YAP1: variants seen among roughly 807,000 people sequenced by gnomAD.
The protein encoded by YAP1 is transcriptional coactivator YAP1.
Under a neutral mutation model 56.9 loss-of-function variants are expected in YAP1, and 5 were observed. That is an observed-to-expected ratio of 0.09 (90% CI 0.05 to 0.18). The LOEUF is 0.18. Among genes scored for constraint, YAP1 ranks in the 10% least tolerant of loss-of-function variants. The probability of loss-of-function intolerance (pLI) is 1.00; values close to 1 mark genes in which losing one functional copy is unlikely to be tolerated. For synonymous variants in YAP1, 265 were observed against 248.1 expected, an observed-to-expected ratio of 1.07 and a Z score of -0.64; for missense variants, 539 against 651.8, an observed-to-expected ratio of 0.83 and a Z score of 1.88.
At chr11:102,190,338 T>TGA (rs1948207025) in intron 4 of YAP1, among the ~76,000 whole-genome samples, 1 of 152,156 alleles carries the variant, frequency 6.6e-6, no homozygotes, top group South Asian at 2.1e-4. Context: ...AGCTAAAAAT[T>TGA]ATTAACAGAT....
chr11:102,184,093 A>T (rs1947812637), intron 3 of YAP1, among the ~76,000 whole-genome samples: 1 of 74,132 alleles, frequency 1.3e-5, no homozygotes, highest in Non-Finnish European at 3.2e-5. Context: ...AAAAAAAAAA[A>T]AAGAAAGCTA....
At chr11:102,115,000 A>G (rs1002006009) in intron 2 of YAP1, among the ~76,000 whole-genome samples, 1 of 152,206 alleles carries the variant, frequency 6.6e-6, no homozygotes, top group African/African-American at 2.4e-5. Context: ...ACTTCTTTCA[A>G]GCTAGTAGGT....
intron 2 of YAP1, among the ~76,000 whole-genome samples, chr11:102,129,684 G>T (rs1307744184): frequency 7.0e-6 from 1 of 143,856 alleles, no homozygotes; most frequent in Non-Finnish European, 1.5e-5. Context: ...ACCCTTTATT[G>T]TTTTTTATCT....
At chr11:102,146,951 A>G (rs769657684) in intron 2 of YAP1, among the ~76,000 whole-genome samples, 4 of 152,236 alleles carry the variant, frequency 2.6e-5, no homozygotes, top group Non-Finnish European at 5.9e-5. Flanking sequence ...TCTGAAATCT[A>G]TCAATAATAA....
At chr11:102,138,571 G>A (rs1366152885) in intron 2 of YAP1, among the ~76,000 whole-genome samples, 1 of 152,180 alleles carries the variant, frequency 6.6e-6, no homozygotes, top group Non-Finnish European at 1.5e-5. Context: ...ATTAGTTTAG[G>A]CATGAACTGA....
chr11:102,153,832 C>T (rs1296703651), intron 2 of YAP1, among the ~76,000 whole-genome samples: 13 of 151,306 alleles, frequency 8.6e-5, no homozygotes, highest in Non-Finnish European at 1.5e-5. Context: ...AATAATATTC[C>T]TCTCCATACA....
chr11:102,158,678 T>C (rs1027138284), intron 2 of YAP1, among the ~76,000 whole-genome samples: 2 of 152,206 alleles, frequency 1.3e-5, no homozygotes, highest in African/African-American at 2.4e-5. Context: ...TAGTATATTA[T>C]TTTTAGTTAT....
At chr11:102,112,617 C>G (rs1330170950) in intron 1 of YAP1, 8 of 985,064 alleles carry the variant, frequency 8.1e-6, no homozygotes, top group African/African-American at 1.7e-5. Context: ...GTATAGTCTC[C>G]TGTCGGAGAC....
At position 102,180,066 on chromosome 11, in the gene YAP1, A is replaced by G. The variant is rs1324462160; in HGVS notation, c.689-5952A>G. On this transcript the variant is annotated intron_variant, in intron 3 of 8. Transcript: ENST00000282441. ...CATCCGTCGTCCAGGCTGGAGTGCAATGGCACAATCTTGGCTCACTGCAAC... is the reference window on the plus strand; with the variant it reads ...CATCCGTCGTCCAGGCTGGAGTGCAGTGGCACAATCTTGGCTCACTGCAAC... 4.2e-5 allele frequency among the ~76,000 whole-genome samples: 6 copies of G among 143,262 alleles called. No homozygotes were observed. In the South Asian group the frequency reaches 8.7e-4, roughly 21 times the overall value. The allele number at this position is 143,262 out of a possible 152,430, so 94.0% of individuals were successfully genotyped here.
intron 4 of YAP1, among the ~76,000 whole-genome samples, chr11:102,186,859 T>C (rs1040326127): frequency 6.6e-6 from 1 of 151,714 alleles, no homozygotes; most frequent in Non-Finnish European, 1.5e-5. Context: ...TTAAACTGTT[T>C]TCAGTTTTTC....
At chr11:102,193,822 G>GT (rs916158768) in intron 4 of YAP1, among the ~76,000 whole-genome samples, 38 of 149,898 alleles carry the variant, frequency 2.5e-4, no homozygotes, top group African/African-American at 4.9e-4. Flanking sequence ...TTTTTTGGGG[G>GT]TTTTTTTTTG....
intron 6 of YAP1, among the ~76,000 whole-genome samples, chr11:102,219,794 C>T (rs1279813211): frequency 1.1e-4 from 17 of 151,996 alleles, no homozygotes; most frequent in Admixed American, 7.9e-4. Context: ...GACAGAGTCT[C>T]GCTCTGTCAC....
intron 2 of YAP1, among the ~76,000 whole-genome samples, chr11:102,124,386 A>T (rs1262058680): frequency 6.6e-6 from 1 of 152,180 alleles, no homozygotes; most frequent in Non-Finnish European, 1.5e-5. Context: ...ATTCATTGTC[A>T]ACAATGCCTA....
chr11:102,111,985 T>C (rs552500398), intron 1 of YAP1, among the ~76,000 whole-genome samples: 163 of 152,336 alleles, frequency 1.1e-3, no homozygotes, highest in African/African-American at 3.6e-3. Context: ...TGGGCCGGCT[T>C]GCTCTTATCA....
intron 2 of YAP1, among the ~76,000 whole-genome samples, chr11:102,140,366 T>C (rs1008823455): frequency 6.6e-6 from 1 of 152,208 alleles, no homozygotes; most frequent in African/African-American, 2.4e-5. Flanking sequence ...ATTGAAAGTG[T>C]TCACATTTAA....
intron 5 of YAP1, among the ~76,000 whole-genome samples, chr11:102,208,809 A>G (rs2135611882): frequency 6.6e-6 from 1 of 152,306 alleles, no homozygotes; most frequent in African/African-American, 2.4e-5. Flanking sequence ...TCAAAACCAT[A>G]CTGTTTTTAA....
At chr11:102,119,097 C>G (rs1214844063) in intron 2 of YAP1, among the ~76,000 whole-genome samples, 1 of 151,490 alleles carries the variant, frequency 6.6e-6, no homozygotes, top group Non-Finnish European at 1.5e-5. Context: ...GCTATTGAGG[C>G]TGAGTGGAGA....
At chr11:102,179,664 CTTTTTCTTTCCCATTTTTCA>C in intron 3 of YAP1, among the ~76,000 whole-genome samples, 1 of 152,164 alleles carries the variant, frequency 6.6e-6, no homozygotes, top group Non-Finnish European at 1.5e-5. Flanking sequence ...TCCCATTTTT[CTTTTTCTTTCCCATTTTTCA>C]TTTTTCTTTC....
intron 6 of YAP1, among the ~76,000 whole-genome samples, chr11:102,209,867 AT>A (rs1255935075): frequency 1.3e-5 from 2 of 152,186 alleles, no homozygotes; most frequent in Admixed American, 1.3e-4. Flanking sequence ...GGTATGCCTA[AT>A]TTTTATTTGA....
Sources: gnomAD v4.1 joint callset for allele counts (sites outside exome capture counted in the v4.1 genomes callset) on GRCh38, gnomAD v4.1.1 for gene constraint, MANE v1.5 for transcripts, NCBI Gene and HGNC (gene_info 2026-07-23, HGNC 2026-07-21) for gene names.